The following LRRTM4 variants were observed in gnomAD, a reference collection of about 807,000 sequenced individuals.
The protein encoded by LRRTM4 is leucine-rich repeat transmembrane neuronal protein 4.
Under a neutral mutation model 47.6 loss-of-function variants are expected in LRRTM4, and 25 were observed. The observed-to-expected ratio is 0.53, with a 90% CI of 0.38 to 0.73. The LOEUF (loss-of-function observed/expected upper bound fraction) is 0.73. Among genes scored for constraint, LRRTM4 ranks in the 30% least tolerant of loss-of-function variants. The pLI is 0.00. For synonymous variants in LRRTM4, 311 were observed against 269.5 expected, an observed-to-expected ratio of 1.15 and a Z score of -1.51; for missense variants, 638 against 713.4, an observed-to-expected ratio of 0.89 and a Z score of 1.20.
chr2:77,404,100 T>G (rs13384656), intron 3 of LRRTM4, among the ~76,000 whole-genome samples: 4,279 of 152,082 alleles, frequency 0.028, 75 homozygotes, highest in South Asian at 0.074. Flanking sequence ...AATATGACAA[T>G]ATCATTTCTA....
At chr2:77,092,269 T>C (rs1670669648) in intron 3 of LRRTM4, among the ~76,000 whole-genome samples, 1 of 152,010 alleles carries the variant, frequency 6.6e-6, no homozygotes, top group Non-Finnish European at 1.5e-5. Context: ...CTGACCCCCA[T>C]GACTGTATCT....
intron 3 of LRRTM4, among the ~76,000 whole-genome samples, chr2:77,020,375 T>C (rs2104101116): frequency 6.6e-6 from 1 of 152,236 alleles, no homozygotes; most frequent in East Asian, 1.9e-4. Context: ...GCTTTTGACA[T>C]TAAAAGTATT....
chr2:77,517,279 A>G (rs1314102130), intron 3 of LRRTM4: 4 of 983,224 alleles, frequency 4.1e-6, no homozygotes, highest in Non-Finnish European at 4.8e-6. Context: ...CAAAAATAAT[A>G]TAACATGGAA....
intron 3 of LRRTM4, among the ~76,000 whole-genome samples, chr2:76,786,424 T>G (rs552881015): frequency 1.1e-4 from 17 of 152,250 alleles, no homozygotes; most frequent in Admixed American, 7.2e-4. Flanking sequence ...ATTTTTATCT[T>G]TTCAGTTCTT....
At chr2:77,375,730 C>T (rs1356637089) in intron 3 of LRRTM4, among the ~76,000 whole-genome samples, 1 of 151,688 alleles carries the variant, frequency 6.6e-6, no homozygotes, top group Non-Finnish European at 1.5e-5. Context: ...ATAATGTCAT[C>T]CAGTTTGATC....
intron 3 of LRRTM4, among the ~76,000 whole-genome samples, chr2:76,942,941 T>C (rs1239940236): frequency 3.3e-5 from 5 of 152,202 alleles, no homozygotes. Flanking sequence ...AATTCAAGAT[T>C]ATTTATCATT....
chr2:77,260,002 G>A (rs369877624), intron 3 of LRRTM4, among the ~76,000 whole-genome samples: 37 of 152,098 alleles, frequency 2.4e-4, no homozygotes, highest in South Asian at 2.1e-4. Flanking sequence ...GGAGAGTTGC[G>A]AAGTGAAAAG....
intron 3 of LRRTM4, among the ~76,000 whole-genome samples, chr2:77,019,092 G>A (rs542571725): frequency 6.6e-6 from 1 of 151,780 alleles, no homozygotes; most frequent in Non-Finnish European, 1.5e-5. Context: ...ACTTCACAGT[G>A]CTATATGAAA....
intron 3 of LRRTM4, among the ~76,000 whole-genome samples, chr2:77,048,505 T>A (rs1254368488): frequency 6.6e-6 from 1 of 152,072 alleles, no homozygotes; most frequent in Non-Finnish European, 1.5e-5. Flanking sequence ...TCCATATGCA[T>A]ATGATTAAAA....
chr2:76,807,459 C>CGT (rs1553412666), intron 3 of LRRTM4, among the ~76,000 whole-genome samples: 22 of 85,594 alleles, frequency 2.6e-4, no homozygotes, highest in Middle Eastern at 7.1e-3. Flanking sequence ...TATATATATA[C>CGT]ATATATATAT....
At chr2:77,203,588 C>T (rs1179483310) in intron 3 of LRRTM4, among the ~76,000 whole-genome samples, 1 of 152,124 alleles carries the variant, frequency 6.6e-6, no homozygotes, top group African/African-American at 2.4e-5. Flanking sequence ...GACAGACAGC[C>T]ATAAGTGTGT....
At chr2:76,983,662 A>G (rs2103971983) in intron 3 of LRRTM4, among the ~76,000 whole-genome samples, 1 of 152,216 alleles carries the variant, frequency 6.6e-6, no homozygotes, top group South Asian at 2.1e-4. Context: ...TACAGTAATT[A>G]TAGTATTTTT....
chr2:76,778,884 T>C (rs968834899), intron 3 of LRRTM4, among the ~76,000 whole-genome samples: 2 of 151,854 alleles, frequency 1.3e-5, no homozygotes, highest in Non-Finnish European at 2.9e-5. Flanking sequence ...TCCTGCTTTC[T>C]TTTGTGGGCA....
At chr2:76,771,644 A>C (rs1381677063) in intron 3 of LRRTM4, among the ~76,000 whole-genome samples, 1 of 125,302 alleles carries the variant, frequency 8.0e-6, no homozygotes, top group South Asian at 2.7e-4. Context: ...GTGAACAGAA[A>C]AAAAAAAAAA....
chr2:76,751,537 G>A (rs1414914750), intron 3 of LRRTM4, among the ~76,000 whole-genome samples: 1 of 152,060 alleles, frequency 6.6e-6, no homozygotes, highest in Non-Finnish European at 1.5e-5. Flanking sequence ...AGACTGTAAA[G>A]TGACATGGCC....
At chr2:77,515,710 A>G (rs1346189377) in intron 3 of LRRTM4, among the ~76,000 whole-genome samples, 1 of 151,894 alleles carries the variant, frequency 6.6e-6, no homozygotes, top group East Asian at 1.9e-4. Flanking sequence ...GCTAAAACTC[A>G]GCATACTTAT....
At chr2:76,772,791 A>G (rs535134582) in intron 3 of LRRTM4, 5 of 151,142 alleles carry the variant, frequency 3.3e-5, no homozygotes, top group African/African-American at 4.9e-5. Flanking sequence ...CTGTTGTTAT[A>G]GTTGTTTTAT....
At chr2:76,844,690 A>G (rs1194269258) in intron 3 of LRRTM4, among the ~76,000 whole-genome samples, 4 of 152,158 alleles carry the variant, frequency 2.6e-5, no homozygotes, top group African/African-American at 2.4e-5. Flanking sequence ...CATACTTTCT[A>G]TTGACAATTA....
chr2:77,300,186 T>C (rs1261389325), intron 3 of LRRTM4, among the ~76,000 whole-genome samples: 4 of 152,100 alleles, frequency 2.6e-5, no homozygotes, highest in Admixed American at 1.3e-4. Context: ...AAGCCAACAG[T>C]TCAAGAGAGT....
Sources: allele counts gnomAD v4.1 joint callset (sites outside exome capture counted in the v4.1 genomes callset), GRCh38; gene constraint gnomAD v4.1.1; transcripts MANE v1.5; gene names NCBI Gene and HGNC (gene_info 2026-07-23, HGNC 2026-07-21).